The following CSMD1 variants were observed in gnomAD, a reference collection of about 807,000 sequenced individuals.
The protein encoded by CSMD1 is CUB and sushi domain-containing protein 1.
In CSMD1, 213 loss-of-function variants were observed where a neutral mutation model predicts 417.5. The observed-to-expected ratio is 0.51, with a 90% confidence interval of 0.46 to 0.57. The LOEUF (loss-of-function observed/expected upper bound fraction) is 0.57, where lower values mean the gene tolerates loss of function less well. Ranked by LOEUF, CSMD1 falls within the 20% of genes least tolerant of loss-of-function variation. CSMD1 has a pLI of 0.00. For missense variants in CSMD1, 6,923 were observed against 4,529.7 expected, an observed-to-expected ratio of 1.53 and a Z score of -15.17; for synonymous variants, 2,862 against 1,736.8, an observed-to-expected ratio of 1.65 and a Z score of -16.11.
intron 10 of CSMD1, among the ~76,000 whole-genome samples, chr8:3,565,066 G>C (rs767360110): frequency 1.3e-4 from 17 of 131,454 alleles, no homozygotes; most frequent in Non-Finnish European, 2.5e-4. Context: ...CCTGCACATG[G>C]ACCCCTGAAC....
chr8:3,669,537 G>C (rs1328895892), intron 7 of CSMD1, among the ~76,000 whole-genome samples: 1 of 152,198 alleles, frequency 6.6e-6, no homozygotes. Flanking sequence ...CTTGAATGGA[G>C]AAACCTCAGG....
At chr8:4,056,963 C>G (rs1295584260) in intron 3 of CSMD1, among the ~76,000 whole-genome samples, 1 of 152,118 alleles carries the variant, frequency 6.6e-6, no homozygotes, top group Non-Finnish European at 1.5e-5. Flanking sequence ...GGTTCCAAGT[C>G]TTTGCTATTG....
chr8:4,508,697 G>A (rs193243823), intron 2 of CSMD1, among the ~76,000 whole-genome samples: 1 of 152,200 alleles, frequency 6.6e-6, no homozygotes, highest in Admixed American at 6.5e-5. Flanking sequence ...AGTGGGTCTG[G>A]AACCATTTTT....
At chr8:4,153,303 G>A (rs897604644) in intron 3 of CSMD1, among the ~76,000 whole-genome samples, 11 of 152,142 alleles carry the variant, frequency 7.2e-5, no homozygotes, top group Admixed American at 2.0e-4. Flanking sequence ...TTCATCTCCG[G>A]GCTCTTCTCA....
chr8:3,300,285 A>C (rs931867185), intron 25 of CSMD1, among the ~76,000 whole-genome samples: 1 of 152,188 alleles, frequency 6.6e-6, no homozygotes, highest in Non-Finnish European at 1.5e-5. Flanking sequence ...GCATAGAAAA[A>C]ATTTTAAAAA....
rs78534224 is a variant in CSMD1, at chr8:3,281,955, C to T, written c.4153+2189G>A. Among the ~76,000 whole-genome samples, 686 of 152,188 alleles carry T rather than the reference C, an allele frequency of 4.5e-3. 9 individuals are homozygous for T. The highest frequency in any genetic ancestry group is 0.016 in the African/African-American group (659 of 41,508). On this transcript the variant is annotated intron_variant, in intron 26 of 69. Transcript: ENST00000635120. ...TTGTTTAAAAGCACGTAGCACCTTC[C>T]GCTTCACTCTGTCTTTCCCCTTCCC...
chr8:3,645,115 G>A (rs13269536), intron 7 of CSMD1, among the ~76,000 whole-genome samples: 1 of 151,860 alleles, frequency 6.6e-6, no homozygotes. Flanking sequence ...AGCCTGCTAA[G>A]GCCATGTTCA....
chr8:4,306,887 C>T (rs1409172019), intron 3 of CSMD1, among the ~76,000 whole-genome samples: 2 of 152,084 alleles, frequency 1.3e-5, no homozygotes. Context: ...TGCAGTTATG[C>T]TTTCCTTACG....
chr8:4,590,553 T>C (rs536860225), intron 2 of CSMD1, among the ~76,000 whole-genome samples: 94 of 152,216 alleles, frequency 6.2e-4, no homozygotes, highest in African/African-American at 2.2e-3. Flanking sequence ...CCTCTCCCTA[T>C]ATGCTTTTAA....
intron 16 of CSMD1, among the ~76,000 whole-genome samples, chr8:3,397,596 A>G (rs1811780516): frequency 1.3e-5 from 2 of 152,210 alleles, no homozygotes; most frequent in African/African-American, 4.8e-5. Context: ...GTCTTATGAC[A>G]CTATTCTAAA....
At chr8:3,496,964 T>C (rs761524622) in intron 10 of CSMD1, among the ~76,000 whole-genome samples, 3 of 152,218 alleles carry the variant, frequency 2.0e-5, no homozygotes, top group Non-Finnish European at 2.9e-5. Flanking sequence ...GTTTCTCTTG[T>C]TATTTATTTC....
chr8:3,371,488 T>A (rs544138351), intron 18 of CSMD1, among the ~76,000 whole-genome samples: 1 of 152,136 alleles, frequency 6.6e-6, no homozygotes, highest in East Asian at 1.9e-4. Flanking sequence ...TTTTTTTTTT[T>A]TTAACATGCC....
At chr8:3,317,025 A>G (rs950233364) in intron 23 of CSMD1, among the ~76,000 whole-genome samples, 1 of 152,062 alleles carries the variant, frequency 6.6e-6, no homozygotes, top group African/African-American at 2.4e-5. Context: ...CACAAATACT[A>G]TTTTGCAAAT....
intron 51 of CSMD1, among the ~76,000 whole-genome samples, chr8:3,022,955 T>A (rs898940642): frequency 2.0e-5 from 3 of 152,162 alleles, no homozygotes; most frequent in African/African-American, 7.2e-5. Context: ...AAATCAGCTG[T>A]CTCTGGGGCA....
chr8:4,176,872 A>G (rs1222782150), intron 3 of CSMD1, among the ~76,000 whole-genome samples: 1 of 148,812 alleles, frequency 6.7e-6, no homozygotes, highest in East Asian at 2.0e-4. Context: ...TTCAACAAGA[A>G]GAGCTAACTA....
At chr8:3,399,562 A>G (rs767600036) in intron 15 of CSMD1, 33 bp from the exon 16 acceptor site, 2 of 1,519,860 alleles carry the variant, frequency 1.3e-6, no homozygotes, top group African/African-American at 1.4e-5. Context: ...TATTAGATCC[A>G]ATGAGACAGA....
At chr8:3,923,418 T>G (rs975167642) in intron 5 of CSMD1, among the ~76,000 whole-genome samples, 1 of 152,226 alleles carries the variant, frequency 6.6e-6, no homozygotes, top group African/African-American at 2.4e-5. Flanking sequence ...TCAATTTGAT[T>G]ATATTAATTT....
At chr8:3,057,121 T>C (rs1278933096) in intron 49 of CSMD1, among the ~76,000 whole-genome samples, 1 of 152,084 alleles carries the variant, frequency 6.6e-6, no homozygotes, top group African/African-American at 2.4e-5. Flanking sequence ...ATATAATGCT[T>C]ATATGGTAAG....
intron 4 of CSMD1, among the ~76,000 whole-genome samples, chr8:4,019,788 A>T (rs961758000): frequency 5.3e-5 from 8 of 152,166 alleles, no homozygotes; most frequent in African/African-American, 1.9e-4. Flanking sequence ...TGTAAAATAA[A>T]GTGACCCACT....
Sources: gnomAD v4.1 joint callset for allele counts (sites outside exome capture counted in the v4.1 genomes callset) on GRCh38, gnomAD v4.1.1 for gene constraint, MANE v1.5 for transcripts, NCBI Gene and HGNC (gene_info 2026-07-23, HGNC 2026-07-21) for gene names.